The following MCMDC2 variants were observed in gnomAD, a reference collection of about 807,000 sequenced individuals.
MCMDC2 encodes the protein minichromosome maintenance domain containing 2.
A neutral mutation model predicts 75.8 loss-of-function variants in MCMDC2; 54 were observed. That is an observed-to-expected ratio of 0.71 (90% CI 0.57 to 0.89). The LOEUF (loss-of-function observed/expected upper bound fraction) is 0.89, where lower values mean the gene tolerates loss of function less well. Among genes scored for constraint, MCMDC2 ranks in the 40% least tolerant of loss-of-function variants. The pLI, the probability that MCMDC2 is intolerant of heterozygous loss-of-function variation, is 0.00. For missense variants in MCMDC2, 656 were observed against 780.4 expected (o/e 0.84, Z 1.90); for synonymous variants, 249 against 274.6 (o/e 0.91, Z 0.92).
intron 14 of MCMDC2, among the ~76,000 whole-genome samples, chr8:66,907,973 T>G (rs547113184): frequency 1.4e-4 from 21 of 152,292 alleles, no homozygotes; most frequent in Non-Finnish European, 1.5e-5. Context: ...ATATTAGACC[T>G]TTGTCAGATG....
Position 66,881,046 on chromosome 8 carries a change from T to C in MCMDC2, c.835+72T>C, listed in dbSNP as rs7840909. 1.7e-4 allele frequency: 202 copies of C among 1,206,986 alleles called. 1 individual carries two copies. The African/African-American group carries it at 2.9e-3, about 17-fold the overall frequency. The allele number at this position is 1,206,986 out of a possible 1,614,324, so 74.8% of individuals were successfully genotyped here. A position where few individuals can be genotyped will look rare whatever the true frequency, so the allele number is the denominator to read the frequency against. On this transcript the variant is annotated intron_variant, in intron 8 of 14. Coordinates refer to ENST00000422365, the MANE Select transcript of MCMDC2 (RefSeq NM_173518.5). ...ATCTATTTGTTCAGCAGATAAGTAT[T>C]GTTTGCCTATGTGCTAGGCATTCCT...
chr8:66,891,859 A>G (rs987982575), intron 10 of MCMDC2, among the ~76,000 whole-genome samples: 1 of 152,230 alleles, frequency 6.6e-6, no homozygotes, highest in African/African-American at 2.4e-5. Context: ...GGGCTGGCAC[A>G]GGTGCTGGCT....
downstream of MCMDC2, among the ~76,000 whole-genome samples, chr8:66,924,720 G>A (rs974875715): frequency 6.6e-6 from 1 of 151,782 alleles, no homozygotes; most frequent in Non-Finnish European, 1.5e-5. Flanking sequence ...ATTATGTCCA[G>A]AAATACACAT....
intron 14 of MCMDC2, among the ~76,000 whole-genome samples, chr8:66,912,028 G>A (rs56032312): frequency 0.039 from 5,994 of 152,232 alleles, 337 homozygotes; most frequent in African/African-American, 0.13. Context: ...GTCCATCACT[G>A]TCATGATTCC....
At chr8:66,907,298 C>G (rs1198528299) in intron 14 of MCMDC2, among the ~76,000 whole-genome samples, 1 of 152,128 alleles carries the variant, frequency 6.6e-6, no homozygotes, top group Non-Finnish European at 1.5e-5. Flanking sequence ...AATTGTTCAG[C>G]TCCCACTTAT....
In MCMDC2 at chr8:66,891,518, T is replaced by A. The variant is rs183873944; in HGVS notation, c.1279+448T>A. ...CCTAATTTTCCGAGAGGGTTTTTTT[T>A]AATCATAAATGGATATTGGATTTTG... On this transcript the variant is annotated intron_variant, in intron 10 of 14. Coordinates refer to ENST00000422365, the MANE Select transcript of MCMDC2 (RefSeq NM_173518.5). Among the ~76,000 whole-genome samples the A allele has an allele frequency of 2.0e-3, 309 of 152,378 alleles. 2 individuals carry two copies. The highest frequency in any genetic ancestry group is 6.9e-3 in the African/African-American group (289 of 41,586).
chr8:66,903,342 A>T (rs553872898), intron 13 of MCMDC2, among the ~76,000 whole-genome samples: 1 of 151,056 alleles, frequency 6.6e-6, no homozygotes, highest in Non-Finnish European at 1.5e-5. Flanking sequence ...TATACTTGAC[A>T]TTTTCTGCCA....
intron 9 of MCMDC2, among the ~76,000 whole-genome samples, chr8:66,886,885 A>G (rs1811870808): frequency 6.6e-6 from 1 of 152,072 alleles, no homozygotes; most frequent in South Asian, 2.1e-4. Flanking sequence ...CCTCATCAAC[A>G]TTTGGTGTTG....
At chr8:66,909,766 G>C (rs1813033332) in intron 14 of MCMDC2, among the ~76,000 whole-genome samples, 1 of 152,186 alleles carries the variant, frequency 6.6e-6, no homozygotes, top group Non-Finnish European at 1.5e-5. Flanking sequence ...TCATTTTCTG[G>C]AGATAAATTC....
downstream of MCMDC2, chr8:66,922,524 C>T (rs1317869530): frequency 3.9e-6 from 2 of 518,618 alleles, no homozygotes; most frequent in African/African-American, 3.9e-5. Context: ...GGGTAAACGG[C>T]AAAAAGTAAT....
At chr8:66,871,992 A>T (rs1265197185) in intron 1 of MCMDC2, among the ~76,000 whole-genome samples, 1 of 152,116 alleles carries the variant, frequency 6.6e-6, no homozygotes, top group Non-Finnish European at 1.5e-5. Flanking sequence ...AGCGTACATA[A>T]TCTGGCCTCA....
chr8:66,888,282 A>AT (rs1345695821), intron 9 of MCMDC2, among the ~76,000 whole-genome samples: 1 of 152,072 alleles, frequency 6.6e-6, no homozygotes, highest in Non-Finnish European at 1.5e-5. Flanking sequence ...AGGTCTTGCC[A>AT]TATTGCCTAG....
chr8:66,888,828 A>G (rs1259467686), intron 9 of MCMDC2, among the ~76,000 whole-genome samples: 2 of 152,152 alleles, frequency 1.3e-5, no homozygotes, highest in African/African-American at 4.8e-5. Context: ...CTAGCTGCCT[A>G]TTAGAATCAC....
chr8:66,877,073 T>G (rs1381367554), intron 4 of MCMDC2, among the ~76,000 whole-genome samples: 1 of 152,144 alleles, frequency 6.6e-6, no homozygotes, highest in East Asian at 1.9e-4. Flanking sequence ...TTGACATTGT[T>G]TTTTAAGTCT....
rs899530467 is a variant in MCMDC2 at position 66,919,279 on chromosome 8, A to G, written c.*110A>G. On this transcript the variant is annotated 3_prime_UTR_variant, in exon 15 of 15. Transcript: ENST00000422365. Reference sequence around the variant, plus strand: ...TTGATAATACTCTGTACAGGAATATATTACAATACTGTTTTTAAAAATATA... The same window carrying G: ...TTGATAATACTCTGTACAGGAATATGTTACAATACTGTTTTTAAAAATATA... 7.8e-6 allele frequency: 6 copies of G among 764,470 alleles called. No homozygotes were observed. The East Asian group carries it at 1.5e-4, about 19-fold the overall frequency. 47.4% of individuals were successfully genotyped at this position (764,470 alleles called of 1,614,324 possible).
chr8:66,887,268 G>A (rs1034066681), intron 9 of MCMDC2, among the ~76,000 whole-genome samples: 23 of 151,844 alleles, frequency 1.5e-4, no homozygotes, highest in East Asian at 7.7e-4. Flanking sequence ...GGCTGGGCGC[G>A]GTGGCTCATG....
chr8:66,906,606 C>T (rs1369040136), intron 14 of MCMDC2, among the ~76,000 whole-genome samples: 2 of 151,596 alleles, frequency 1.3e-5, no homozygotes, highest in African/African-American at 4.8e-5. Context: ...ATTTATGGCC[C>T]CTAAAAGAGG....
In MCMDC2 at chr8:66,896,321, T is replaced by C; in HGVS notation, c.1431T>C (p.Thr477=). The change falls in exon 11 of 15, where the codon ACT becomes ACC. Residue 477 remains threonine, a synonymous_variant. Transcript: ENST00000422365. ...GGAGAAATGCACAGAAAATCAACAC[T>C]CTAATTGGTCAGATGGTAAGGTATA... The part of the protein sequence containing the change: ...SSRRNAQKIN[T]LIGQMDCSLI... 1 of 1,606,774 alleles carries C rather than the reference T, an allele frequency of 6.2e-7. No individual in the cohort carries two copies. Among genetic ancestry groups the C allele is most frequent in the Non-Finnish European group, 8.5e-7 (1 of 1,178,518 alleles).
At chr8:66,925,561 C>A (rs1276260298), downstream of MCMDC2, 1 of 152,284 alleles carries the variant, frequency 6.6e-6, no homozygotes, top group Non-Finnish European at 1.5e-5. Flanking sequence ...CATCGGAAGA[C>A]AGCTCTTAGG....
Sources: allele counts gnomAD v4.1 joint callset (sites outside exome capture counted in the v4.1 genomes callset), GRCh38; gene constraint gnomAD v4.1.1; transcripts MANE v1.5; gene names NCBI Gene and HGNC (gene_info 2026-07-23, HGNC 2026-07-21).